Variants in DGKB observed in about 807,000 individuals in gnomAD.
The protein encoded by DGKB is diacylglycerol kinase beta.
Under a neutral mutation model 114.3 loss-of-function variants are expected in DGKB, and 67 were observed. The ratio of observed to expected loss-of-function variants is 0.59; its 90% CI spans 0.48 to 0.72. The LOEUF is 0.72. DGKB is among the 30% of genes least tolerant of loss of function. The pLI is 0.00. For missense variants in DGKB, 907 were observed against 975.2 expected (o/e 0.93, Z 0.93); for synonymous variants, 398 against 323.1 (o/e 1.23, Z -2.49).
Position 14,174,079 on chromosome 7 carries a change from A to T in DGKB, c.2304+2760T>A, listed in dbSNP as rs141439889. On this transcript the variant is annotated intron_variant, in intron 25 of 25. Coordinates refer to ENST00000402815, the MANE Select transcript of DGKB (RefSeq NM_001350709.2). ...CAATAGGCAGACATTTTCAAGCTGG[A>T]GAAGCTTGAAAGGTAGTCAGGGAGA... is the stretch of plus-strand genomic sequence containing the variant. Among the ~76,000 whole-genome samples, 500 of 152,266 alleles carry T rather than the reference A, an allele frequency of 3.3e-3. 2 individuals carry two copies. Among genetic ancestry groups the T allele is most frequent in the African/African-American group, 0.012 (479 of 41,550 alleles).
chr7:14,698,374 A>T (rs1568846), intron 7 of DGKB, among the ~76,000 whole-genome samples: 2 of 151,886 alleles, frequency 1.3e-5, no homozygotes, highest in African/African-American at 2.4e-5. Context: ...TATCTTGTAC[A>T]TTGTCTAGAA....
At chr7:14,392,115 CTA>C (rs1821416547) in intron 21 of DGKB, among the ~76,000 whole-genome samples, 1 of 152,108 alleles carries the variant, frequency 6.6e-6, no homozygotes, top group African/African-American at 2.4e-5. Flanking sequence ...CAAAATGTAT[CTA>C]TCTCTTACTT....
chr7:14,709,470 A>G (rs1826935788), intron 6 of DGKB, among the ~76,000 whole-genome samples: 1 of 117,680 alleles, frequency 8.5e-6, no homozygotes, highest in Non-Finnish European at 1.8e-5. Flanking sequence ...TACTGGGTAT[A>G]TACCCAAATG....
chr7:14,810,767 C>G (rs1364892052), intron 2 of DGKB, among the ~76,000 whole-genome samples: 1 of 152,094 alleles, frequency 6.6e-6, no homozygotes, highest in East Asian at 1.9e-4. Flanking sequence ...CGCCACCATG[C>G]CAGGCTACCA....
At chr7:14,387,881 C>CTTT (rs11448628) in intron 21 of DGKB, among the ~76,000 whole-genome samples, 1 of 117,876 alleles carries the variant, frequency 8.5e-6, no homozygotes, top group African/African-American at 2.9e-5. Flanking sequence ...GTGTCCTTTT[C>CTTT]TTTTTTTTTT....
chr7:14,678,974 C>T (rs981662761), intron 12 of DGKB, among the ~76,000 whole-genome samples: 3 of 151,818 alleles, frequency 2.0e-5, no homozygotes, highest in East Asian at 1.9e-4. Context: ...CATGACAATA[C>T]CAGGTCTGAT....
chr7:14,147,359 G>T lies in DGKB; in HGVS notation c.*1772C>A, dbSNP rs1781585327. ...TATTTTTAAAGTAATTAAGCTTATT[G>T]TTGATTGATATTTACCGTCCAATGT... On this transcript the variant is annotated 3_prime_UTR_variant, in exon 26 of 26. Transcript: ENST00000402815. 1.3e-5 allele frequency: 2 copies of T among 152,048 alleles called. No individual in the cohort carries two copies. Among genetic ancestry groups the T allele is most frequent in the African/African-American group, 2.4e-5 (1 of 41,410 alleles). The allele number at this position is 152,048 out of a possible 1,614,324, so 9.4% of individuals were successfully genotyped here.
intron 21 of DGKB, among the ~76,000 whole-genome samples, chr7:14,429,402 G>T (rs1206980094): frequency 6.6e-6 from 1 of 152,162 alleles, no homozygotes; most frequent in Non-Finnish European, 1.5e-5. Context: ...AACCAAATGT[G>T]CAGACATCAT....
At chr7:14,469,712 A>G (rs1780991299) in intron 21 of DGKB, among the ~76,000 whole-genome samples, 2 of 152,078 alleles carry the variant, frequency 1.3e-5, no homozygotes, top group African/African-American at 4.8e-5. Context: ...CAGATCCAAC[A>G]AAGTATTTAA....
At chr7:14,538,011 C>T (rs991518718) in intron 20 of DGKB, among the ~76,000 whole-genome samples, 5 of 132,324 alleles carry the variant, frequency 3.8e-5, no homozygotes, top group Middle Eastern at 4.5e-3. Context: ...ACCTAGAAGG[C>T]GGAGTTTGTG....
chr7:14,392,995 G>GTTTTGTTGTTTTTTTTTTTTTTTTTTT lies in DGKB; in HGVS notation c.1836-47605_1836-47604insAAAAAAAAAAAAAAAAAAACAACAAAA. ...CAAAACAGACCTGTTTTTTGTTTTT[G>GTTTTGTTGTTTTTTTTTTTTTTTTTTT]TTTTTTTTTTTTTGAGACGGAGTCT... On this transcript the variant is annotated intron_variant, in intron 21 of 25. Transcript: ENST00000402815. 2.6e-4 allele frequency among the ~76,000 whole-genome samples: 16 copies of GTTTTGTTGTTTTTTTTTTTTTTTTTTT among 60,546 alleles called. 3 individuals are homozygous for GTTTTGTTGTTTTTTTTTTTTTTTTTTT. The highest frequency in any genetic ancestry group is 7.3e-4 in the African/African-American group (15 of 20,682). The allele number at this position is 60,546 out of a possible 152,430, so 39.7% of individuals were successfully genotyped here.
At chr7:14,607,382 A>C (rs1183135389) in intron 17 of DGKB, 52 bp downstream of exon 17, 1 of 905,234 alleles carries the variant, frequency 1.1e-6, no homozygotes, top group Non-Finnish European at 1.8e-6. Flanking sequence ...CAGCTTATTT[A>C]ATTAATTAAC....
At chr7:14,514,333 T>A (rs953347164) in intron 20 of DGKB, among the ~76,000 whole-genome samples, 5 of 152,148 alleles carry the variant, frequency 3.3e-5, no homozygotes, top group African/African-American at 1.2e-4. Flanking sequence ...AGCATATATA[T>A]GAGGATCATT....
At chr7:14,385,142 TA>T (rs1820113701) in intron 21 of DGKB, among the ~76,000 whole-genome samples, 1 of 152,156 alleles carries the variant, frequency 6.6e-6, no homozygotes, top group Admixed American at 6.5e-5. Flanking sequence ...AGTTTTCCAT[TA>T]ATCACCTCAA....
intron 1 of DGKB, among the ~76,000 whole-genome samples, chr7:14,885,294 C>G (rs1194469602): frequency 1.3e-5 from 2 of 151,892 alleles, no homozygotes; most frequent in Non-Finnish European, 2.9e-5. Context: ...TCAAGGACAA[C>G]CATGTAGCAG....
chr7:14,460,497 A>G (rs1832923672), intron 21 of DGKB, among the ~76,000 whole-genome samples: 1 of 152,182 alleles, frequency 6.6e-6, no homozygotes, highest in South Asian at 2.1e-4. Flanking sequence ...AAAGATAAAA[A>G]AAGACAAAGA....
At chr7:14,638,215 C>T (rs1811103106) in intron 13 of DGKB, among the ~76,000 whole-genome samples, 1 of 152,036 alleles carries the variant, frequency 6.6e-6, no homozygotes, top group African/African-American at 2.4e-5. Context: ...AACTACAACA[C>T]ATAAAACTCA....
chr7:14,395,991 T>C (rs1822156204), intron 21 of DGKB, among the ~76,000 whole-genome samples: 1 of 152,078 alleles, frequency 6.6e-6, no homozygotes, highest in African/African-American at 2.4e-5. Context: ...TCAATATAAC[T>C]TTCCTCATTA....
At chr7:14,298,045 G>T (rs551932853) in intron 23 of DGKB, among the ~76,000 whole-genome samples, 1 of 152,062 alleles carries the variant, frequency 6.6e-6, no homozygotes, top group African/African-American at 2.4e-5. Context: ...ACTGCTCAAG[G>T]AAAGAAGAAA....
Sources: gnomAD v4.1 joint callset for allele counts (sites outside exome capture counted in the v4.1 genomes callset) on GRCh38, gnomAD v4.1.1 for gene constraint, MANE v1.5 for transcripts, NCBI Gene and HGNC (gene_info 2026-07-23, HGNC 2026-07-21) for gene names.